Variants in LANCL2 observed in about 807,000 individuals in gnomAD.
LANCL2 encodes LanC like glutathione S-transferase 2.
A neutral mutation model predicts 56.9 loss-of-function variants in LANCL2; 33 were observed. The ratio of observed to expected loss-of-function variants is 0.58; its 90% CI spans 0.44 to 0.78. LANCL2 has a LOEUF of 0.78. Ranked by LOEUF, LANCL2 falls within the 30% of genes least tolerant of loss-of-function variation. The pLI is 0.00. For missense variants in LANCL2, 562 were observed against 580.2 expected (o/e 0.97, Z 0.32); for synonymous variants, 233 against 228.2 (o/e 1.02, Z -0.19).
At chr7:55,391,677 G>T in intron 1 of LANCL2, 116 bp from the exon 2 acceptor site, 2 of 609,724 alleles carry the variant, frequency 3.3e-6, no homozygotes, top group East Asian at 2.9e-5. Context: ...GCACTGAGAT[G>T]GTCCAAGGAA....
In LANCL2 at chr7:55,378,533, C is replaced by CGTGTGT. The variant is rs71031838; in HGVS notation, c.204+12321_204+12326dup. 3.5e-3 allele frequency among the ~76,000 whole-genome samples: 523 copies of CGTGTGT among 150,358 alleles called. 8 individuals are homozygous for CGTGTGT. The highest frequency in any genetic ancestry group is 0.012 in the African/African-American group (497 of 41,076). On this transcript the variant is annotated intron_variant, in intron 1 of 8. Transcript: ENST00000254770. ...ATGTATATGTGTATATATATGTATA[C>CGTGTGT]GTGTGTGTGTGTGTGTGTGTGTATG...
chr7:55,425,521 A>G, intron 7 of LANCL2, 91 bp downstream of exon 7: 1 of 1,215,938 alleles, frequency 8.2e-7, no homozygotes, highest in South Asian at 1.4e-5. Flanking sequence ...TCCTTCTTTT[A>G]ACCTGTTTCT....
chr7:55,431,149 A>C (rs1349681673), intron 8 of LANCL2, 77 bp from the exon 9 acceptor site: 2 of 1,027,322 alleles, frequency 1.9e-6, no homozygotes, highest in Admixed American at 5.6e-5. Context: ...GCCCCTGGTA[A>C]GGGAAATGAT....
chr7:55,397,416 G>A lies in LANCL2; in HGVS notation c.323-1007G>A, dbSNP rs559811688. On this transcript the variant is annotated intron_variant, in intron 2 of 8. Transcript: ENST00000254770. ...GCAGAGGTTGCAGTGAGCCGAGATC[G>A]TGCTGCTGCACTCCAGCCTGGGCAA... Among the ~76,000 whole-genome samples, 7 of 147,448 alleles carry A rather than the reference G, an allele frequency of 4.7e-5. 1 individual carries two copies. Among genetic ancestry groups the A allele is most frequent in the Admixed American group, 3.4e-4 (5 of 14,660 alleles).
chr7:55,425,206 A>G (rs779760991), intron 6 of LANCL2, 48 bp from the exon 7 acceptor site: 23 of 1,580,520 alleles, frequency 1.5e-5, no homozygotes, highest in Non-Finnish European at 8.6e-7. Context: ...TTGCCAACTC[A>G]TCGTTGAAAC....
intron 1 of LANCL2, among the ~76,000 whole-genome samples, chr7:55,377,244 A>G (rs1391913391): frequency 6.6e-6 from 1 of 152,252 alleles, no homozygotes; most frequent in Non-Finnish European, 1.5e-5. Context: ...GAGGTACAGA[A>G]TATGTGTATA....
At chr7:55,374,971 G>A (rs920914815) in intron 1 of LANCL2, among the ~76,000 whole-genome samples, 1 of 152,204 alleles carries the variant, frequency 6.6e-6, no homozygotes, top group African/African-American at 2.4e-5. Flanking sequence ...AGAGGATTAA[G>A]TTAGATTAAG....
intron 1 of LANCL2, among the ~76,000 whole-genome samples, chr7:55,390,576 A>G (rs925417286): frequency 4.6e-5 from 7 of 152,162 alleles, no homozygotes; most frequent in Admixed American, 1.3e-4. Flanking sequence ...ATTGCACTCC[A>G]GCCTGGGTGA....
intron 7 of LANCL2, among the ~76,000 whole-genome samples, chr7:55,427,100 A>G (rs1790672233): frequency 6.6e-6 from 1 of 152,136 alleles, no homozygotes; most frequent in Non-Finnish European, 1.5e-5. Flanking sequence ...TTGGGATGCA[A>G]AGGGAAGGAA....
chr7:55,410,954 A>G (rs1790463941), intron 5 of LANCL2, among the ~76,000 whole-genome samples: 1 of 133,864 alleles, frequency 7.5e-6, no homozygotes, highest in South Asian at 2.4e-4. Context: ...TCATGTGGTG[A>G]CATGTCACCC....
At chr7:55,415,003 AAAAG>A (rs1562868039) in intron 6 of LANCL2, among the ~76,000 whole-genome samples, 101 of 76,304 alleles carry the variant, frequency 1.3e-3, no homozygotes, top group African/African-American at 4.0e-3. Flanking sequence ...AAAAAAAAAG[AAAAG>A]AAAAGAAAAA....
At chr7:55,401,076 C>T (rs1288205241) in intron 4 of LANCL2, 98 bp from the exon 5 acceptor site, 2 of 880,754 alleles carry the variant, frequency 2.3e-6, no homozygotes, top group South Asian at 2.7e-5. Context: ...TTCTGCCTCT[C>T]TCTCTATATA....
At chr7:55,409,495 C>T (rs1265976053) in intron 5 of LANCL2, among the ~76,000 whole-genome samples, 1 of 152,156 alleles carries the variant, frequency 6.6e-6, no homozygotes, top group African/African-American at 2.4e-5. Context: ...TCCTGTCCCC[C>T]AAATTTAATT....
At chr7:55,382,352 A>G (rs1437777529) in intron 1 of LANCL2, among the ~76,000 whole-genome samples, 2 of 152,210 alleles carry the variant, frequency 1.3e-5, no homozygotes, top group Non-Finnish European at 1.5e-5. Context: ...AATATATGGC[A>G]TTTAAAAGTT....
intron 6 of LANCL2, among the ~76,000 whole-genome samples, chr7:55,416,969 G>GTTTTTTTTTTT (rs869116156): frequency 4.9e-5 from 4 of 81,648 alleles, no homozygotes; most frequent in African/African-American, 2.5e-4. Context: ...AAACGAGGTG[G>GTTTTTTTTTTT]TTTTTTTTTT....
intron 4 of LANCL2, 30 bp from the exon 5 acceptor site, chr7:55,401,144 T>C: frequency 6.2e-7 from 1 of 1,605,458 alleles, no homozygotes; most frequent in African/African-American, 1.3e-5. Flanking sequence ...TATACAGTTT[T>C]AGATTTATGC....
intron 1 of LANCL2, among the ~76,000 whole-genome samples, chr7:55,390,447 A>C (rs1790173860): frequency 1.3e-5 from 2 of 152,282 alleles, no homozygotes; most frequent in Non-Finnish European, 2.9e-5. Flanking sequence ...CTCTACTAAA[A>C]ATACAAAAAT....
At chr7:55,377,696 A>C (rs2128991457) in intron 1 of LANCL2, among the ~76,000 whole-genome samples, 1 of 152,338 alleles carries the variant, frequency 6.6e-6, no homozygotes, top group South Asian at 2.1e-4. Flanking sequence ...CTGCTTTATA[A>C]TACACTTGGG....
intron 4 of LANCL2, among the ~76,000 whole-genome samples, 173 bp downstream of exon 4, chr7:55,400,277 CTG>C (rs1790306157): frequency 6.6e-6 from 1 of 152,168 alleles, no homozygotes. Context: ...CAAAAAAAAT[CTG>C]TACTCTCTTT....
Sources: allele counts gnomAD v4.1 joint callset (sites outside exome capture counted in the v4.1 genomes callset), GRCh38; gene constraint gnomAD v4.1.1; transcripts MANE v1.5; gene names NCBI Gene and HGNC (gene_info 2026-07-23, HGNC 2026-07-21).